The following SSBP2 variants were observed in gnomAD, a reference collection of about 807,000 sequenced individuals.
SSBP2 encodes single stranded DNA binding protein 2, also known as single-stranded DNA-binding protein 2.
Under a neutral mutation model 61.8 loss-of-function variants are expected in SSBP2, and 17 were observed. The observed-to-expected ratio is 0.28, with a 90% CI of 0.19 to 0.41. The LOEUF (loss-of-function observed/expected upper bound fraction) is 0.41. Among genes scored for constraint, SSBP2 ranks in the 10% least tolerant of loss-of-function variants. The probability of loss-of-function intolerance (pLI) is 1.00; values close to 1 mark genes in which losing one functional copy is unlikely to be tolerated. For synonymous variants in SSBP2, 139 were observed against 141.3 expected, an observed-to-expected ratio of 0.98 and a Z score of 0.12; for missense variants, 310 against 458.7, an observed-to-expected ratio of 0.68 and a Z score of 2.96.
chr5:81,547,483 T>TGAA (rs2154125173), intron 4 of SSBP2, among the ~76,000 whole-genome samples: 1 of 152,302 alleles, frequency 6.6e-6, no homozygotes, highest in Non-Finnish European at 1.5e-5. Flanking sequence ...TTTTTTTTCT[T>TGAA]TGAGACAGGA....
chr5:81,620,057 C>T (rs1361662833), intron 3 of SSBP2, among the ~76,000 whole-genome samples: 3 of 88,914 alleles, frequency 3.4e-5, no homozygotes, highest in Non-Finnish European at 6.4e-5. Context: ...ACAGGGATGC[C>T]CTCTCTCACC....
intron 1 of SSBP2, among the ~76,000 whole-genome samples, chr5:81,710,344 G>T (rs945710045): frequency 1.4e-4 from 21 of 152,146 alleles, no homozygotes; most frequent in African/African-American, 4.8e-4. Context: ...TTTGTATCTT[G>T]TATCAGTTTT....
At chr5:81,686,974 C>T (rs1752860012) in intron 1 of SSBP2, among the ~76,000 whole-genome samples, 1 of 151,782 alleles carries the variant, frequency 6.6e-6, no homozygotes, top group African/African-American at 2.4e-5. Context: ...ACCCATTGTC[C>T]TCCCAGCAAG....
chr5:81,630,504 T>C (rs1747599590), intron 3 of SSBP2, among the ~76,000 whole-genome samples: 1 of 152,168 alleles, frequency 6.6e-6, no homozygotes, highest in South Asian at 2.1e-4. Flanking sequence ...AGTATGTCAG[T>C]AGCTTTAGGG....
rs79000876 is a variant in SSBP2, at chr5:81,563,759, G to A, written c.283-50042C>T. Among the ~76,000 whole-genome samples, 721 of 152,192 alleles carry A rather than the reference G, an allele frequency of 4.7e-3. 4 individuals carry two copies. The highest frequency in any genetic ancestry group is 0.016 in the African/African-American group (667 of 41,526). On this transcript the variant is annotated intron_variant, in intron 4 of 16. Transcript: ENST00000320672. ...AAAATCAATTCAAAAATGGATTAACGACTTAAACATAAGACCTGAAACCAT... is the reference window on the plus strand; with the variant it reads ...AAAATCAATTCAAAAATGGATTAACAACTTAAACATAAGACCTGAAACCAT...
At chr5:81,533,651 G>A (rs1335366737) in intron 4 of SSBP2, among the ~76,000 whole-genome samples, 1 of 152,064 alleles carries the variant, frequency 6.6e-6, no homozygotes, top group African/African-American at 2.4e-5. Flanking sequence ...AACAGATGAG[G>A]TCACAAGGCA....
intron 4 of SSBP2, among the ~76,000 whole-genome samples, chr5:81,551,124 A>G (rs1772155874): frequency 1.3e-5 from 2 of 150,630 alleles, no homozygotes; most frequent in African/African-American, 4.9e-5. Flanking sequence ...AAGAAATCAT[A>G]GAAGAAGAAT....
At position 81,555,448 on chromosome 5, in the gene SSBP2, A is replaced by C. The variant is rs560046681; in HGVS notation, c.283-41731T>G. Among the ~76,000 whole-genome samples, 3 of 152,206 alleles carry C rather than the reference A, an allele frequency of 2.0e-5. 1 individual carries two copies. In the East Asian group the frequency reaches 5.8e-4, roughly 29 times the overall value. On this transcript the variant is annotated intron_variant, in intron 4 of 16. Transcript: ENST00000320672. ...AAATATAAGAAATTAAAGACACCAA[A>C]TGTGTCCTTAGTGGCATTATCAAAA...
At chr5:81,726,444 G>A (rs745650515) in intron 1 of SSBP2, among the ~76,000 whole-genome samples, 11 of 151,862 alleles carry the variant, frequency 7.2e-5, no homozygotes, top group African/African-American at 1.2e-4. Context: ...CTCACAAACC[G>A]GCAAGTGAAA....
chr5:81,687,711 G>A (rs529569296), intron 1 of SSBP2, among the ~76,000 whole-genome samples: 1 of 152,298 alleles, frequency 6.6e-6, no homozygotes, highest in East Asian at 1.9e-4. Context: ...TACCATTCCA[G>A]GCCCTAGCTC....
intron 4 of SSBP2, among the ~76,000 whole-genome samples, chr5:81,574,867 A>C (rs1376555016): frequency 6.6e-6 from 1 of 152,186 alleles, no homozygotes; most frequent in Non-Finnish European, 1.5e-5. Flanking sequence ...GCAGAATAAA[A>C]ATATTTTTTC....
intron 4 of SSBP2, among the ~76,000 whole-genome samples, chr5:81,600,014 T>A (rs1490550764): frequency 6.6e-6 from 1 of 152,244 alleles, no homozygotes; most frequent in Admixed American, 6.5e-5. Context: ...TATTTCTGTC[T>A]CTTTGACACC....
In SSBP2 at chr5:81,556,584, G is replaced by A. The variant is rs116764142; in HGVS notation, c.283-42867C>T. Among the ~76,000 whole-genome samples the A allele has an allele frequency of 3.9e-3, 593 of 152,178 alleles. 3 individuals are homozygous for A. Among genetic ancestry groups the A allele is most frequent in the African/African-American group, 0.014 (564 of 41,550 alleles). On this transcript the variant is annotated intron_variant, in intron 4 of 16. Coordinates refer to ENST00000320672, the MANE Select transcript of SSBP2 (RefSeq NM_012446.5). ...CTTCCATACTGTGACAATGATAGAG[G>A]TCTTTCTCCTCCTAGGGTCCTTTAT...
At chr5:81,638,072 G>C (rs1431056851) in intron 2 of SSBP2, among the ~76,000 whole-genome samples, 3 of 143,366 alleles carry the variant, frequency 2.1e-5, no homozygotes, top group Non-Finnish European at 4.5e-5. Flanking sequence ...ATGGACACAG[G>C]AAGGGGAAAA....
intron 4 of SSBP2, among the ~76,000 whole-genome samples, chr5:81,539,386 G>GTGAAGATGCTA (rs1293493130): frequency 6.6e-6 from 1 of 152,196 alleles, no homozygotes; most frequent in Admixed American, 6.5e-5. Flanking sequence ...GAATCTACTG[G>GTGAAGATGCTA]TGAAGATGCT....
At chr5:81,499,584 G>C (rs1422474483) in intron 5 of SSBP2, among the ~76,000 whole-genome samples, 2 of 152,176 alleles carry the variant, frequency 1.3e-5, no homozygotes, top group African/African-American at 4.8e-5. Context: ...TGTGAGGCAA[G>C]TATCTGGAGC....
At chr5:81,657,105 C>T (rs1750299417) in intron 1 of SSBP2, among the ~76,000 whole-genome samples, 1 of 152,138 alleles carries the variant, frequency 6.6e-6, no homozygotes. Flanking sequence ...TTTTTTACCG[C>T]ATAACTTTTC....
intron 1 of SSBP2, among the ~76,000 whole-genome samples, chr5:81,749,474 G>A (rs1008323599): frequency 3.3e-5 from 5 of 152,128 alleles, no homozygotes; most frequent in Admixed American, 3.3e-4. Flanking sequence ...AAACTCAGTC[G>A]CCTGCGCATT....
intron 5 of SSBP2, among the ~76,000 whole-genome samples, chr5:81,502,616 C>T (rs143112217): frequency 6.6e-6 from 1 of 152,222 alleles, no homozygotes; most frequent in Admixed American, 6.5e-5. Flanking sequence ...ACAGCCATCT[C>T]AATCTTAACA....
Sources: allele counts gnomAD v4.1 joint callset (sites outside exome capture counted in the v4.1 genomes callset), GRCh38; gene constraint gnomAD v4.1.1; transcripts MANE v1.5; gene names NCBI Gene and HGNC (gene_info 2026-07-23, HGNC 2026-07-21).